The following AFF3 variants were observed in gnomAD, a reference collection of about 807,000 sequenced individuals.
AFF3 encodes the protein AF4/FMR2 family member 3.
Under a neutral mutation model 129.7 loss-of-function variants are expected in AFF3, and 32 were observed. The ratio of observed to expected loss-of-function variants is 0.25; its 90% confidence interval spans 0.19 to 0.33. The LOEUF (loss-of-function observed/expected upper bound fraction) is 0.33. Ranked by LOEUF, AFF3 falls within the 10% of genes least tolerant of loss-of-function variation. The pLI, the probability that AFF3 is intolerant of heterozygous loss-of-function variation, is 1.00. For synonymous variants in AFF3, 644 were observed against 635.4 expected, an observed-to-expected ratio of 1.01 and a Z score of -0.20; for missense variants, 1,373 against 1,592.0, an observed-to-expected ratio of 0.86 and a Z score of 2.34.
intron 2 of AFF3, among the ~76,000 whole-genome samples, chr2:100,117,939 T>C (rs561622083): frequency 1.4e-4 from 21 of 152,240 alleles, no homozygotes; most frequent in Admixed American, 2.6e-4. Context: ...AGAGATTCAC[T>C]GTACTCGAGT....
chr2:99,721,298 AG>A (rs1678865294), intron 11 of AFF3, among the ~76,000 whole-genome samples: 1 of 152,174 alleles, frequency 6.6e-6, no homozygotes, highest in South Asian at 2.1e-4. Flanking sequence ...TCGGAGGCCA[AG>A]GTGGGCGGAT....
intron 15 of AFF3, among the ~76,000 whole-genome samples, chr2:99,592,555 C>T (rs1230582165): frequency 6.6e-6 from 1 of 152,244 alleles, no homozygotes; most frequent in Non-Finnish European, 1.5e-5. Flanking sequence ...ACAGGCCCTA[C>T]ATCCAGCTGC....
At chr2:99,666,445 C>T (rs181871660) in intron 12 of AFF3, among the ~76,000 whole-genome samples, 252 of 152,010 alleles carry the variant, frequency 1.7e-3, no homozygotes, top group Non-Finnish European at 2.9e-3. Context: ...CAAATCAAAA[C>T]AGAATTCAAA....
intron 19 of AFF3, among the ~76,000 whole-genome samples, chr2:99,567,436 C>T (rs1676077309): frequency 6.6e-6 from 1 of 152,136 alleles, no homozygotes; most frequent in South Asian, 2.1e-4. Context: ...TGTACACCTA[C>T]AAGACAGTTC....
chr2:100,030,161 C>T (rs1007330795), intron 4 of AFF3, among the ~76,000 whole-genome samples: 2 of 151,854 alleles, frequency 1.3e-5, no homozygotes, highest in Admixed American at 6.6e-5. Flanking sequence ...TAGACTTGAG[C>T]CTTAAAAATT....
At chr2:99,697,447 T>G (rs1676400717) in intron 11 of AFF3, among the ~76,000 whole-genome samples, 1 of 152,184 alleles carries the variant, frequency 6.6e-6, no homozygotes, top group Non-Finnish European at 1.5e-5. Context: ...GTCCAGAGTT[T>G]TTACAGAGAA....
chr2:99,773,609 C>T (rs1344858162), intron 8 of AFF3, among the ~76,000 whole-genome samples: 1 of 152,012 alleles, frequency 6.6e-6, no homozygotes, highest in Non-Finnish European at 1.5e-5. Context: ...AACAAAGAGA[C>T]AAAAGTCACT....
At chr2:100,055,272 C>T (rs1345023988) in intron 4 of AFF3, among the ~76,000 whole-genome samples, 1 of 151,928 alleles carries the variant, frequency 6.6e-6, no homozygotes, top group Non-Finnish European at 1.5e-5. Flanking sequence ...GCAGTTCTTA[C>T]CCTGTCATCT....
chr2:100,033,271 T>TA (rs571137611), intron 4 of AFF3, among the ~76,000 whole-genome samples: 5 of 152,008 alleles, frequency 3.3e-5, no homozygotes, highest in African/African-American at 4.8e-5. Context: ...ACCTCATTAT[T>TA]AAAAAAAATT....
chr2:99,857,922 C>T (rs1380558309), intron 7 of AFF3, among the ~76,000 whole-genome samples: 2 of 152,092 alleles, frequency 1.3e-5, no homozygotes, highest in East Asian at 3.9e-4. Context: ...ATACTGGATT[C>T]CTGTTCAGAA....
At chr2:100,115,327 C>A (rs1234529419) in intron 2 of AFF3, among the ~76,000 whole-genome samples, 3 of 152,146 alleles carry the variant, frequency 2.0e-5, no homozygotes, top group African/African-American at 4.8e-5. Context: ...GCAGGCAGAT[C>A]ACTTTGAGGC....
chr2:99,752,959 GT>G (rs1230188179), intron 8 of AFF3, among the ~76,000 whole-genome samples: 1 of 152,140 alleles, frequency 6.6e-6, no homozygotes, highest in East Asian at 1.9e-4. Context: ...GAGAGGGGTT[GT>G]TTTATTCACT....
chr2:99,735,082 T>C (rs528732861), intron 10 of AFF3, among the ~76,000 whole-genome samples: 1 of 152,328 alleles, frequency 6.6e-6, no homozygotes, highest in South Asian at 2.1e-4. Context: ...TATATGTAAA[T>C]TTCATATAAA....
chr2:100,050,680 C>T (rs532748559), intron 4 of AFF3, among the ~76,000 whole-genome samples: 6 of 152,316 alleles, frequency 3.9e-5, no homozygotes, highest in Non-Finnish European at 7.3e-5. Flanking sequence ...AAGTAAACGT[C>T]AGTGCACGTA....
In AFF3 at chr2:99,971,101, A is replaced by C. The variant is rs150878825; in HGVS notation, c.873+35531T>G. 2.1e-3 allele frequency among the ~76,000 whole-genome samples: 316 copies of C among 152,312 alleles called. 2 individuals carry two copies. Among genetic ancestry groups the C allele is most frequent in the African/African-American group, 7.4e-3 (306 of 41,568 alleles). On this transcript the variant is annotated intron_variant, in intron 7 of 24. Coordinates refer to ENST00000672756, the MANE Select transcript of AFF3 (RefSeq NM_001386135.1). ...TGACTCTAAATAACTCTTTTTATTAAGCCACAAGATCTAAATCCTCTCCAA... is the reference window on the plus strand; with the variant it reads ...TGACTCTAAATAACTCTTTTTATTACGCCACAAGATCTAAATCCTCTCCAA...
chr2:99,839,571 T>C (rs950564730), intron 7 of AFF3, among the ~76,000 whole-genome samples: 2 of 150,598 alleles, frequency 1.3e-5, no homozygotes, highest in African/African-American at 4.9e-5. Context: ...TAAGAAATGA[T>C]GTCTCATTGT....
chr2:99,986,817 A>G (rs17023362), intron 7 of AFF3, among the ~76,000 whole-genome samples: 31,304 of 152,130 alleles, frequency 0.21, 4,081 homozygotes, highest in African/African-American at 0.36. Context: ...TTTAAATAGT[A>G]GAGCTTTTCA....
chr2:100,059,528 A>G (rs1399538087), intron 4 of AFF3, among the ~76,000 whole-genome samples: 1 of 152,172 alleles, frequency 6.6e-6, no homozygotes, highest in Non-Finnish European at 1.5e-5. Context: ...TCGTAAAGAT[A>G]TTCTAAAATT....
At chr2:100,005,080 CCT>C (rs1259584675) in intron 7 of AFF3, among the ~76,000 whole-genome samples, 2 of 152,020 alleles carry the variant, frequency 1.3e-5, no homozygotes, top group Non-Finnish European at 2.9e-5. Flanking sequence ...GAGGCATCCC[CCT>C]CTCTCTCTGC....
Sources: allele counts gnomAD v4.1 joint callset (sites outside exome capture counted in the v4.1 genomes callset), GRCh38; gene constraint gnomAD v4.1.1; transcripts MANE v1.5; gene names NCBI Gene and HGNC (gene_info 2026-07-23, HGNC 2026-07-21).